The following AP3S2 variants were observed in gnomAD, a reference collection of about 807,000 sequenced individuals.
AP3S2 encodes adaptor related protein complex 3 subunit sigma 2.
AP3S2 carries 22 observed loss-of-function variants against 23.4 expected under a neutral mutation model. The ratio of observed to expected loss-of-function variants is 0.94; its 90% CI spans 0.67 to 1.34. The LOEUF (loss-of-function observed/expected upper bound fraction) is 1.34. AP3S2 is among the 40% of genes most tolerant of loss of function. AP3S2 has a pLI of 0.00. For missense variants in AP3S2, 241 were observed against 236.9 expected (o/e 1.02, Z -0.11); for synonymous variants, 86 against 87.1 (o/e 0.99, Z 0.07).
intron 3 of AP3S2, chr15:89,877,406 T>C: frequency 1.6e-6 from 2 of 1,290,140 alleles, no homozygotes; most frequent in Non-Finnish European, 2.0e-6. Flanking sequence ...TGGCTTTTCT[T>C]CCTCTCTCTT....
At position 89,887,403 on chromosome 15, in the gene AP3S2, G is replaced by A. The variant is rs192252788; in HGVS notation, c.273+1118C>T. ...TATTTTTTTTTTGAGACGGAGTCTC[G>A]CCCTGTCACCCAGGCTGGAGTGCAG... On this transcript the variant is annotated intron_variant, in intron 3 of 5. Transcript: ENST00000336418. Among the ~76,000 whole-genome samples the A allele has an allele frequency of 1.3e-3, 196 of 150,708 alleles. 1 individual carries two copies. Among genetic ancestry groups the A allele is most frequent in the African/African-American group, 4.5e-3 (185 of 41,056 alleles).
At chr15:89,869,879 T>C (rs1470524133) in intron 4 of AP3S2, among the ~76,000 whole-genome samples, 1 of 152,050 alleles carries the variant, frequency 6.6e-6, no homozygotes, top group Non-Finnish European at 1.5e-5. Context: ...TAGCTGGGAT[T>C]ACAAGCGTGC....
intron 4 of AP3S2, among the ~76,000 whole-genome samples, chr15:89,839,573 CA>C (rs1481897301): frequency 2.0e-5 from 3 of 152,188 alleles, no homozygotes; most frequent in Admixed American, 2.0e-4. Flanking sequence ...ACTTCCCCAT[CA>C]AGAAATAGGC....
chr15:89,879,275 T>G (rs1037324821), intron 3 of AP3S2, among the ~76,000 whole-genome samples: 1 of 152,252 alleles, frequency 6.6e-6, no homozygotes, highest in African/African-American at 2.4e-5. Flanking sequence ...GGCAAAGCCT[T>G]TGTTTGGAGG....
At chr15:89,891,527 T>G (rs1896820451) in intron 1 of AP3S2, among the ~76,000 whole-genome samples, 1 of 151,968 alleles carries the variant, frequency 6.6e-6, no homozygotes, top group Non-Finnish European at 1.5e-5. Flanking sequence ...GGCATGGTCG[T>G]GGGCACCTGT....
intron 3 of AP3S2, among the ~76,000 whole-genome samples, chr15:89,884,582 G>C (rs182397265): frequency 6.6e-6 from 1 of 151,700 alleles, no homozygotes; most frequent in Non-Finnish European, 1.5e-5. Context: ...CTGATTGTCG[G>C]CTAAGATTTT....
In AP3S2 at chr15:89,835,112, C is replaced by T. The variant is rs146756216; in HGVS notation, c.*403G>A. The T allele has an allele frequency of 1.8e-4, 42 of 228,262 alleles. 1 individual carries two copies. The highest frequency in any genetic ancestry group is 8.8e-4 in the African/African-American group (39 of 44,538). The allele number at this position is 228,262 out of a possible 1,614,324, so 14.1% of individuals were successfully genotyped here. On this transcript the variant is annotated 3_prime_UTR_variant, in exon 6 of 6. Transcript: ENST00000336418. ...AAGTCTGTGGTGCTAAGGATGAAGA[C>T]TCTACTCAGAGAAGGTGCTCAGCCC... is the stretch of plus-strand genomic sequence containing the variant.
intron 3 of AP3S2, among the ~76,000 whole-genome samples, chr15:89,882,783 C>T (rs1012110489): frequency 1.3e-5 from 2 of 152,214 alleles, no homozygotes; most frequent in African/African-American, 4.8e-5. Context: ...AACTATTATA[C>T]ATTCTGAAAA....
In AP3S2 at chr15:89,830,892, A is replaced by C. The variant is rs1440350963; in HGVS notation, c.*4623T>G. On this transcript the variant is annotated 3_prime_UTR_variant, in exon 6 of 6. Coordinates refer to ENST00000336418, the MANE Select transcript of AP3S2 (RefSeq NM_005829.5). Reference sequence around the variant, plus strand: ...TCCTAGTGGGCCGAGGTCAACCGCCAGGGTCAAACGGAACACAACCCACTC... The same window carrying C: ...TCCTAGTGGGCCGAGGTCAACCGCCCGGGTCAAACGGAACACAACCCACTC... 1 of 152,212 alleles carries C rather than the reference A, an allele frequency of 6.6e-6. No individual in the cohort carries two copies. The highest frequency in any genetic ancestry group is 1.5e-5 in the Non-Finnish European group (1 of 68,084). The allele number at this position is 152,212 out of a possible 1,614,324, so 9.4% of individuals were successfully genotyped here. A position where few individuals can be genotyped will look rare whatever the true frequency, so the allele number is the denominator to read the frequency against.
intron 4 of AP3S2, among the ~76,000 whole-genome samples, chr15:89,851,802 ATT>A (rs145945462): frequency 0.72 from 107,240 of 149,006 alleles, 38,384 homozygotes; most frequent in East Asian, 0.8. Context: ...CCGTGAAATC[ATT>A]TTTTTTTTTT....
chr15:89,867,115 C>T (rs1896148872), intron 4 of AP3S2, among the ~76,000 whole-genome samples: 1 of 149,732 alleles, frequency 6.7e-6, no homozygotes, highest in Admixed American at 6.7e-5. Context: ...CTCACTGCAA[C>T]CTCCCTGCCT....
At chr15:89,884,787 C>A (rs769964224) in intron 3 of AP3S2, among the ~76,000 whole-genome samples, 6 of 152,048 alleles carry the variant, frequency 3.9e-5, no homozygotes, top group African/African-American at 7.2e-5. Flanking sequence ...GCTGGGACTA[C>A]AGGCGCATGC....
chr15:89,858,267 G>T (rs546836389), intron 4 of AP3S2, among the ~76,000 whole-genome samples: 1 of 151,366 alleles, frequency 6.6e-6, no homozygotes. Flanking sequence ...GAGAAACTCC[G>T]TCTCTACTAA....
chr15:89,849,648 T>C (rs2141848934), intron 4 of AP3S2, among the ~76,000 whole-genome samples: 1 of 152,252 alleles, frequency 6.6e-6, no homozygotes, highest in South Asian at 2.1e-4. Context: ...ATTACAGGCA[T>C]GAGCCACTGC....
intron 4 of AP3S2, among the ~76,000 whole-genome samples, chr15:89,846,895 T>C (rs929775803): frequency 1.3e-5 from 2 of 152,058 alleles, no homozygotes; most frequent in Non-Finnish European, 2.9e-5. Context: ...GGTCTCAAAC[T>C]CCTGATCTCA....
At chr15:89,867,957 T>C (rs1177154530) in intron 4 of AP3S2, among the ~76,000 whole-genome samples, 1 of 141,862 alleles carries the variant, frequency 7.0e-6, no homozygotes, top group Non-Finnish European at 1.5e-5. Flanking sequence ...AGCCGCCCCA[T>C]CCGGCCAGCC....
At chr15:89,885,934 CAAAAAAA>C (rs34323747) in intron 3 of AP3S2, among the ~76,000 whole-genome samples, 2 of 104,926 alleles carry the variant, frequency 1.9e-5, no homozygotes, top group South Asian at 3.0e-4. Context: ...GACCTTGTCT[CAAAAAAA>C]AAAAAAAAAA....
At chr15:89,853,917 T>C (rs1385234713) in intron 4 of AP3S2, among the ~76,000 whole-genome samples, 2 of 38,192 alleles carry the variant, frequency 5.2e-5, no homozygotes, top group Non-Finnish European at 1.0e-4. Context: ...GCCCGGCAGC[T>C]GCCCCGTCTG....
intron 4 of AP3S2, among the ~76,000 whole-genome samples, chr15:89,870,169 C>T (rs1896284909): frequency 6.6e-6 from 1 of 152,218 alleles, no homozygotes. Context: ...CAAAAGGGAA[C>T]TAGATTTGAG....
Sources: allele counts gnomAD v4.1 joint callset (sites outside exome capture counted in the v4.1 genomes callset), GRCh38; gene constraint gnomAD v4.1.1; transcripts MANE v1.5; gene names NCBI Gene and HGNC (gene_info 2026-07-23, HGNC 2026-07-21).